The following CHRDL1 variants were observed in gnomAD, a reference collection of about 807,000 sequenced individuals.
CHRDL1 encodes the protein chordin-like protein 1.
In CHRDL1, 19 loss-of-function variants were observed where a neutral mutation model predicts 40.9. The observed-to-expected ratio is 0.46, with a 90% CI of 0.32 to 0.68. CHRDL1 has a LOEUF of 0.68. Ranked by LOEUF, CHRDL1 falls within the 30% of genes least tolerant of loss-of-function variation. The probability of loss-of-function intolerance (pLI) is 0.03; values close to 1 mark genes in which losing one functional copy is unlikely to be tolerated. For missense variants in CHRDL1, 329 were observed against 352.1 expected (o/e 0.93, Z 0.53); for synonymous variants, 136 against 123.4 (o/e 1.10, Z -0.68).
intron 4 of CHRDL1, among the ~76,000 whole-genome samples, chrX:110,733,812 G>A (rs1402943288): frequency 9.2e-6 from 1 of 109,194 alleles, no homozygotes; most frequent in Non-Finnish European, 1.9e-5. Flanking sequence ...GGAGGCTAAG[G>A]CAGGATCATT....
At chrX:110,787,443 T>C (rs1411121236) in intron 2 of CHRDL1, among the ~76,000 whole-genome samples, 1 of 111,718 alleles carries the variant, frequency 9.0e-6, no homozygotes, top group Admixed American at 9.6e-5. Context: ...CATTAAGCTA[T>C]CTAATTTTAG....
At chrX:110,681,385 C>CT in intron 10 of CHRDL1, 97 bp downstream of exon 10, 3 of 693,571 alleles carry the variant, frequency 4.3e-6, no homozygotes, top group South Asian at 5.5e-5. Context: ...ACTTTTAATC[C>CT]AAATGAGGGA....
chrX:110,756,232 A>G (rs923573118), intron 4 of CHRDL1, among the ~76,000 whole-genome samples: 4 of 112,189 alleles, frequency 3.6e-5, no homozygotes, highest in African/African-American at 1.3e-4. Context: ...ATATTCAGAA[A>G]CACAAAAAAA....
At chrX:110,724,586 T>C (rs1297134882) in intron 4 of CHRDL1, among the ~76,000 whole-genome samples, 1 of 109,875 alleles carries the variant, frequency 9.1e-6, no homozygotes, top group Admixed American at 9.7e-5. Context: ...CTACTAGTAC[T>C]CCAAAAGATT....
At chrX:110,770,003 C>G (rs773707485) in intron 2 of CHRDL1, among the ~76,000 whole-genome samples, 1 of 112,231 alleles carries the variant, frequency 8.9e-6, no homozygotes, top group East Asian at 2.8e-4. Flanking sequence ...TGAATCTTTC[C>G]AAATACCCAC....
intron 2 of CHRDL1, among the ~76,000 whole-genome samples, chrX:110,763,763 G>A (rs778945040): frequency 9.0e-6 from 1 of 111,493 alleles, no homozygotes; most frequent in East Asian, 2.8e-4. Flanking sequence ...CCAACACTGG[G>A]ATTTCTGGAT....
intron 6 of CHRDL1, among the ~76,000 whole-genome samples, chrX:110,706,972 G>A (rs772948330): frequency 8.9e-6 from 1 of 111,946 alleles, no homozygotes; most frequent in Non-Finnish European, 1.9e-5. Context: ...GTGGAAGAGA[G>A]CAGGGAGGAA....
intron 4 of CHRDL1, among the ~76,000 whole-genome samples, chrX:110,723,974 C>T (rs757362899): frequency 3.6e-5 from 4 of 112,296 alleles, no homozygotes; most frequent in Non-Finnish European, 7.5e-5. Flanking sequence ...GGCTAAGAGG[C>T]CCTGCCCCTG....
intron 11 of CHRDL1, among the ~76,000 whole-genome samples, chrX:110,678,177 T>C (rs1208216421): frequency 8.9e-6 from 1 of 111,929 alleles, no homozygotes; most frequent in African/African-American, 3.2e-5. Flanking sequence ...GGCCTGGAGA[T>C]CAAGTCCAAT....
At chrX:110,730,500 T>C (rs779486314) in intron 4 of CHRDL1, among the ~76,000 whole-genome samples, 2 of 111,685 alleles carry the variant, frequency 1.8e-5, no homozygotes, top group South Asian at 7.8e-4. Flanking sequence ...CACAAATGTA[T>C]TTGTGATTAT....
At chrX:110,695,441 G>T (rs749102946) in intron 7 of CHRDL1, among the ~76,000 whole-genome samples, 64 of 111,100 alleles carry the variant, frequency 5.8e-4, no homozygotes, top group African/African-American at 2.1e-3. Context: ...CAACACACGT[G>T]ATGACCAGAC....
At chrX:110,758,869 G>A (rs1237793208) in intron 4 of CHRDL1, among the ~76,000 whole-genome samples, 1 of 111,845 alleles carries the variant, frequency 8.9e-6, no homozygotes, top group East Asian at 2.8e-4. Flanking sequence ...TACCCTAAAG[G>A]GAAATGGAAT....
intron 6 of CHRDL1, among the ~76,000 whole-genome samples, chrX:110,701,379 C>T (rs1054364086): frequency 6.3e-5 from 7 of 111,799 alleles, no homozygotes; most frequent in African/African-American, 2.3e-4. Flanking sequence ...ATGTTTGCAT[C>T]ACTTGAAATG....
At chrX:110,685,296 G>T (rs931893057) in intron 9 of CHRDL1, among the ~76,000 whole-genome samples, 26 of 111,059 alleles carry the variant, frequency 2.3e-4, no homozygotes, top group African/African-American at 8.5e-4. Context: ...TCTGGCTGTT[G>T]CCCAGGCCAG....
chrX:110,791,396 C>T (rs2090097491), intron 2 of CHRDL1, among the ~76,000 whole-genome samples: 2 of 111,887 alleles, frequency 1.8e-5, no homozygotes, highest in Non-Finnish European at 3.8e-5. Context: ...ACTCATAAAT[C>T]TCCTAAACGT....
rs186565373 is a variant in CHRDL1, at chrX:110,682,537, G to A, written c.989-888C>T. 7.0e-4 allele frequency among the ~76,000 whole-genome samples: 78 copies of A among 112,184 alleles called. No individual in the cohort carries two copies. In the East Asian group the frequency reaches 0.015, roughly 22 times the overall value. On this transcript the variant is annotated intron_variant, in intron 9 of 11. Transcript: ENST00000372042. ...TGTAATCAGTACTCTCTTGAACTGC[G>A]TACTTAAAGCATACACTCAAATCAG...
At chrX:110,767,909 C>T (rs1443214919) in intron 2 of CHRDL1, among the ~76,000 whole-genome samples, 1 of 111,715 alleles carries the variant, frequency 9.0e-6, no homozygotes, top group Non-Finnish European at 1.9e-5. Flanking sequence ...CAAAAAAGAG[C>T]CTGCATAGCC....
chrX:110,730,398 T>C (rs1256714611), intron 4 of CHRDL1, among the ~76,000 whole-genome samples: 1 of 110,907 alleles, frequency 9.0e-6, no homozygotes, highest in East Asian at 2.8e-4. Flanking sequence ...AGCCAAGCAG[T>C]TGCTTTCTAG....
intron 2 of CHRDL1, among the ~76,000 whole-genome samples, chrX:110,789,534 T>C (rs1228991808): frequency 8.9e-6 from 1 of 112,336 alleles, no homozygotes. Context: ...AATAAACCAA[T>C]GCAAACTTAT....
Sources: gnomAD v4.1 joint callset for allele counts (sites outside exome capture counted in the v4.1 genomes callset) on GRCh38, gnomAD v4.1.1 for gene constraint, MANE v1.5 for transcripts, NCBI Gene and HGNC (gene_info 2026-07-23, HGNC 2026-07-21) for gene names.